Variants in LYPD6 observed in about 807,000 individuals in gnomAD.
LYPD6 encodes the protein LY6/PLAUR domain containing 6.
Under a neutral mutation model 22.7 loss-of-function variants are expected in LYPD6, and 15 were observed. That is an observed-to-expected ratio of 0.66 (90% CI 0.44 to 1.02). The LOEUF is 1.02. Among genes scored for constraint, LYPD6 ranks in the 50% least tolerant of loss-of-function variants. LYPD6 has a pLI of 0.00. For synonymous variants in LYPD6, 72 were observed against 77.5 expected, an observed-to-expected ratio of 0.93 and a Z score of 0.37; for missense variants, 189 against 208.4, an observed-to-expected ratio of 0.91 and a Z score of 0.57.
intron 1 of LYPD6, among the ~76,000 whole-genome samples, chr2:149,410,414 T>C (rs1169148314): frequency 1.3e-5 from 2 of 152,198 alleles, no homozygotes; most frequent in African/African-American, 2.4e-5. Flanking sequence ...CAAGTACTTT[T>C]GACAAGTGTG....
downstream of LYPD6, among the ~76,000 whole-genome samples, chr2:149,474,344 T>G (rs1362807103): frequency 6.6e-6 from 1 of 151,690 alleles, no homozygotes; most frequent in Non-Finnish European, 1.5e-5. Flanking sequence ...GACTACAGTA[T>G]AGGCATGTGC....
At chr2:149,374,091 T>C (rs1342772421) in intron 1 of LYPD6, among the ~76,000 whole-genome samples, 2 of 152,180 alleles carry the variant, frequency 1.3e-5, no homozygotes, top group Non-Finnish European at 2.9e-5. Flanking sequence ...TTTGTCTAGC[T>C]GATCCTGAGG....
chr2:149,426,699 GA>G (rs1683195071), intron 1 of LYPD6, among the ~76,000 whole-genome samples: 1 of 152,144 alleles, frequency 6.6e-6, no homozygotes, highest in African/African-American at 2.4e-5. Context: ...CAAAGCAATG[GA>G]AGAAACATTT....
rs1257598297 is a variant in LYPD6, at chr2:149,472,948, AG to A, written c.*2100del. ...GGAGTTTATCTCACCCTGCTGTTGC[AG>A]GATGCTATTTGCATGTGTCCCCAGG... On this transcript the variant is annotated 3_prime_UTR_variant, in exon 5 of 5. Coordinates refer to ENST00000334166, the MANE Select transcript of LYPD6 (RefSeq NM_194317.5). 2 of 152,612 alleles carry A rather than the reference AG, an allele frequency of 1.3e-5. No individual in the cohort carries two copies. Among genetic ancestry groups the A allele is most frequent in the Non-Finnish European group, 2.9e-5 (2 of 68,018 alleles). 9.5% of individuals were successfully genotyped at this position (152,612 alleles called of 1,614,324 possible). A position where few individuals can be genotyped will look rare whatever the true frequency, so the allele number is the denominator to read the frequency against.
At chr2:149,434,894 G>T (rs1351619974) in intron 1 of LYPD6, among the ~76,000 whole-genome samples, 1 of 152,162 alleles carries the variant, frequency 6.6e-6, no homozygotes, top group Non-Finnish European at 1.5e-5. Flanking sequence ...GACATGTCTT[G>T]TGGGAGGAAA....
At chr2:149,481,922 T>G in the LYPD6 span, among the ~76,000 whole-genome samples, 1 of 152,180 alleles carries the variant, frequency 6.6e-6, no homozygotes, top group Admixed American at 6.5e-5. Context: ...TGTTATTACT[T>G]TAGGGGTTCC....
downstream of LYPD6, among the ~76,000 whole-genome samples, chr2:149,478,871 T>G (rs1573841299): frequency 6.6e-6 from 1 of 152,274 alleles, no homozygotes. Flanking sequence ...GAACTGGATC[T>G]GTCCCACCCA....
At chr2:149,413,818 G>A (rs1682903864) in intron 1 of LYPD6, among the ~76,000 whole-genome samples, 1 of 152,172 alleles carries the variant, frequency 6.6e-6, no homozygotes, top group Admixed American at 6.5e-5. Context: ...GGGTTTTGGG[G>A]AAGAAGAAGG....
chr2:149,350,470 C>G (rs1681338074), intron 1 of LYPD6, among the ~76,000 whole-genome samples: 1 of 152,178 alleles, frequency 6.6e-6, no homozygotes, highest in Non-Finnish European at 1.5e-5. Context: ...CAGGACTTGA[C>G]AGTTTATCTG....
chr2:149,385,777 T>C (rs942972435), intron 1 of LYPD6, among the ~76,000 whole-genome samples: 2 of 152,134 alleles, frequency 1.3e-5, no homozygotes, highest in African/African-American at 4.8e-5. Context: ...ACATTTGTCT[T>C]TGTGTATACA....
At chr2:149,413,972 A>G (rs944274928) in intron 1 of LYPD6, among the ~76,000 whole-genome samples, 2 of 152,226 alleles carry the variant, frequency 1.3e-5, no homozygotes, top group African/African-American at 4.8e-5. Context: ...ATACTGGCCA[A>G]AGGGTGGCCA....
At chr2:149,431,713 G>T (rs529487372) in intron 1 of LYPD6, among the ~76,000 whole-genome samples, 25 of 152,152 alleles carry the variant, frequency 1.6e-4, no homozygotes, top group African/African-American at 5.8e-4. Flanking sequence ...TTAGTCCTGT[G>T]TCGGTTGTGA....
chr2:149,482,225 A>G, the LYPD6 span, among the ~76,000 whole-genome samples: 1 of 152,232 alleles, frequency 6.6e-6, no homozygotes, highest in African/African-American at 2.4e-5. Flanking sequence ...TTTGTCTCTA[A>G]TAATATAATA....
intron 1 of LYPD6, among the ~76,000 whole-genome samples, chr2:149,394,347 G>A (rs1219882642): frequency 6.6e-6 from 1 of 152,104 alleles, no homozygotes; most frequent in Non-Finnish European, 1.5e-5. Flanking sequence ...TCTGAAAATA[G>A]TAGTAAAAGT....
intron 3 of LYPD6, among the ~76,000 whole-genome samples, chr2:149,456,638 A>G (rs1680965203): frequency 6.6e-6 from 1 of 152,354 alleles, no homozygotes; most frequent in Non-Finnish European, 1.5e-5. Context: ...GAACACAGAC[A>G]GGAACTGAGG....
intron 1 of LYPD6, among the ~76,000 whole-genome samples, chr2:149,415,902 G>C (rs1380111844): frequency 6.6e-6 from 1 of 151,902 alleles, no homozygotes; most frequent in Non-Finnish European, 1.5e-5. Context: ...GGCTGGTCTT[G>C]AACTCCTGGG....
At chr2:149,414,721 T>C (rs114921182) in intron 1 of LYPD6, among the ~76,000 whole-genome samples, 3,382 of 152,308 alleles carry the variant, frequency 0.022, 106 homozygotes, top group African/African-American at 0.078. Context: ...TAATATATTC[T>C]GTAGTACCCT....
chr2:149,382,353 C>G (rs1459634437), intron 1 of LYPD6, among the ~76,000 whole-genome samples: 4 of 152,138 alleles, frequency 2.6e-5, no homozygotes, highest in African/African-American at 9.7e-5. Context: ...TAAAATATCT[C>G]TCATGTTCCC....
intron 1 of LYPD6, among the ~76,000 whole-genome samples, chr2:149,355,624 A>C (rs567358638): frequency 6.6e-6 from 1 of 152,196 alleles, no homozygotes; most frequent in Admixed American, 6.5e-5. Flanking sequence ...TCAGCTCCCA[A>C]GGAACCTAGT....
Sources: allele counts gnomAD v4.1 joint callset (sites outside exome capture counted in the v4.1 genomes callset), GRCh38; gene constraint gnomAD v4.1.1; transcripts MANE v1.5; gene names NCBI Gene and HGNC (gene_info 2026-07-23, HGNC 2026-07-21).